The following ZNF664 variants were observed in gnomAD, a reference collection of about 807,000 sequenced individuals.
ZNF664 encodes zinc finger Organ of Corti 1.
In ZNF664, 10 loss-of-function variants were observed where a neutral mutation model predicts 18.2. The observed-to-expected ratio is 0.55, with a 90% CI of 0.34 to 0.93. The LOEUF (loss-of-function observed/expected upper bound fraction) is 0.93, where lower values mean the gene tolerates loss of function less well. Ranked by LOEUF, ZNF664 falls within the 40% of genes least tolerant of loss-of-function variation. The pLI is 0.02. For synonymous variants in ZNF664, 119 were observed against 104.2 expected (o/e 1.14, Z -0.86); for missense variants, 193 against 319.0 (o/e 0.61, Z 3.01).
At chr12:124,011,132 C>G (rs980843091) in intron 3 of ZNF664, among the ~76,000 whole-genome samples, 1 of 152,166 alleles carries the variant, frequency 6.6e-6, no homozygotes, top group African/African-American at 2.4e-5. Flanking sequence ...AAGTCAAATA[C>G]GATGTTTTAT....
chr12:124,007,766 A>G (rs372277987), intron 3 of ZNF664, among the ~76,000 whole-genome samples: 4 of 151,842 alleles, frequency 2.6e-5, no homozygotes, highest in East Asian at 1.9e-4. Context: ...AGAGTAGACT[A>G]TTATCTCTTA....
Position 124,012,137 on chromosome 12 carries a change from T to C in ZNF664, c.-8T>C, listed in dbSNP as rs1306745347. The C allele has an allele frequency of 6.3e-7, 1 of 1,594,478 alleles. No individual in the cohort carries two copies. ...TTCTCCTTGAAATCACGATACCAAA[T>C]AGGAAAAATGATCTACAAGTGCCCC... On this transcript the variant is annotated 5_prime_UTR_variant, in exon 5 of 5. Coordinates refer to ENST00000337815, the MANE Select transcript of ZNF664 (RefSeq NM_152437.3).
intron 2 of ZNF664, among the ~76,000 whole-genome samples, chr12:123,982,325 A>T (rs1005742272): frequency 7.9e-5 from 12 of 152,246 alleles, no homozygotes; most frequent in African/African-American, 2.9e-4. Context: ...TCTTCATCAG[A>T]GGTTGGGGCC....
intron 2 of ZNF664, among the ~76,000 whole-genome samples, chr12:123,983,077 G>A (rs190967823): frequency 6.6e-6 from 1 of 152,146 alleles, no homozygotes; most frequent in Non-Finnish European, 1.5e-5. Context: ...ATCACTGGAA[G>A]GCAGGGCTGT....
intron 2 of ZNF664, among the ~76,000 whole-genome samples, chr12:123,975,070 G>T (rs555596402): frequency 6.6e-6 from 1 of 152,294 alleles, no homozygotes; most frequent in East Asian, 1.9e-4. Context: ...TGACCTTGGG[G>T]AGGACATTGA....
At chr12:123,975,435 A>AAG (rs1309302606) in intron 2 of ZNF664, among the ~76,000 whole-genome samples, 1 of 150,480 alleles carries the variant, frequency 6.6e-6, no homozygotes, top group Non-Finnish European at 1.5e-5. Flanking sequence ...AAAAAAAAAA[A>AAG]AGAGAGAGAG....
intron 3 of ZNF664, among the ~76,000 whole-genome samples, chr12:124,004,158 G>A (rs997259220): frequency 2.6e-5 from 4 of 152,208 alleles, no homozygotes; most frequent in Non-Finnish European, 5.9e-5. Flanking sequence ...ACAGATTTGG[G>A]AGGGAGCACA....
chr12:124,001,378 C>T (rs536321479), intron 3 of ZNF664, among the ~76,000 whole-genome samples: 145 of 152,324 alleles, frequency 9.5e-4, no homozygotes, highest in African/African-American at 3.3e-3. Context: ...AAAAGCTAAC[C>T]GCTCTGGAGG....
At chr12:123,983,426 C>G (rs1478781187) in intron 2 of ZNF664, among the ~76,000 whole-genome samples, 2 of 152,202 alleles carry the variant, frequency 1.3e-5, no homozygotes, top group African/African-American at 2.4e-5. Context: ...ATAAGAAATT[C>G]AGTAAAGCTA....
At chr12:123,979,813 CCACA>C (rs61089265) in intron 2 of ZNF664, among the ~76,000 whole-genome samples, 2 of 149,334 alleles carry the variant, frequency 1.3e-5, no homozygotes, top group South Asian at 2.1e-4. Flanking sequence ...GTAGCTGGGA[CCACA>C]CACACACACA....
chr12:123,999,697 C>T (rs2138411754), intron 3 of ZNF664, among the ~76,000 whole-genome samples: 1 of 152,308 alleles, frequency 6.6e-6, no homozygotes, highest in East Asian at 1.9e-4. Flanking sequence ...TTAAGTAGGA[C>T]ATGGACACTT....
chr12:123,973,750 C>T lies in ZNF664; in HGVS notation c.-891-136C>T, dbSNP rs971976624. On this transcript the variant is annotated intron_variant, in intron 1 of 4. Coordinates refer to ENST00000337815, the MANE Select transcript of ZNF664 (RefSeq NM_152437.3). The stretch of plus-strand genomic sequence containing the variant: ...CCGAGGGAAGGGGGAGCGCTGCCGC[C>T]CTCGTCGCCCGTGGAGCCGCGTCTT... 5.7e-6 allele frequency: 7 copies of T among 1,220,122 alleles called. No homozygotes were observed. In the African/African-American group the frequency reaches 7.8e-5, roughly 14 times the overall value. The allele number at this position is 1,220,122 out of a possible 1,614,324, so 75.6% of individuals were successfully genotyped here. A position where few individuals can be genotyped will look rare whatever the true frequency, so the allele number is the denominator to read the frequency against.
At chr12:123,984,300 A>G (rs2138348634) in intron 2 of ZNF664, among the ~76,000 whole-genome samples, 1 of 152,326 alleles carries the variant, frequency 6.6e-6, no homozygotes, top group South Asian at 2.1e-4. Flanking sequence ...GTGGCCAGTA[A>G]TGTCCAGTGG....
intron 3 of ZNF664, among the ~76,000 whole-genome samples, chr12:124,003,835 T>C (rs1957040770): frequency 6.6e-6 from 1 of 152,202 alleles, no homozygotes; most frequent in Non-Finnish European, 1.5e-5. Flanking sequence ...ATGTGTGTAC[T>C]GAAGACTTTT....
intron 3 of ZNF664, among the ~76,000 whole-genome samples, chr12:123,988,354 A>G (rs1956848678): frequency 6.6e-6 from 1 of 152,196 alleles, no homozygotes; most frequent in South Asian, 2.1e-4. Flanking sequence ...GATGTCAGAA[A>G]CATTTTTGTC....
At chr12:123,997,976 A>C (rs1038823304) in intron 3 of ZNF664, 4 of 152,136 alleles carry the variant, frequency 2.6e-5, no homozygotes, top group Admixed American at 6.5e-5. Flanking sequence ...CTTCAAACGA[A>C]ATCATACAGT....
chr12:123,980,953 A>G (rs1316514383), intron 2 of ZNF664, among the ~76,000 whole-genome samples: 4 of 152,194 alleles, frequency 2.6e-5, no homozygotes, highest in African/African-American at 9.7e-5. Flanking sequence ...GGTTAAAGCC[A>G]ATGAATAAAT....
At chr12:123,995,971 C>G (rs374550178) in intron 3 of ZNF664, among the ~76,000 whole-genome samples, 1 of 152,014 alleles carries the variant, frequency 6.6e-6, no homozygotes, top group Non-Finnish European at 1.5e-5. Flanking sequence ...CCATTATTGC[C>G]GCATAGAGAG....
chr12:123,986,981 C>G (rs1956832860), intron 2 of ZNF664, among the ~76,000 whole-genome samples: 1 of 152,228 alleles, frequency 6.6e-6, no homozygotes, highest in Admixed American at 6.5e-5. Flanking sequence ...TTTCACTTTT[C>G]CATTTTCTTC....
Sources: gnomAD v4.1 joint callset for allele counts (sites outside exome capture counted in the v4.1 genomes callset) on GRCh38, gnomAD v4.1.1 for gene constraint, MANE v1.5 for transcripts, NCBI Gene and HGNC (gene_info 2026-07-23, HGNC 2026-07-21) for gene names.